The following CNTNAP5 variants were observed in gnomAD, a reference collection of about 807,000 sequenced individuals.
CNTNAP5 encodes the protein contactin associated protein family member 5.
A neutral mutation model predicts 150.2 loss-of-function variants in CNTNAP5; 72 were observed. That is an observed-to-expected ratio of 0.48 (90% CI 0.40 to 0.58). The LOEUF (loss-of-function observed/expected upper bound fraction) is 0.58, where lower values mean the gene tolerates loss of function less well. Among genes scored for constraint, CNTNAP5 ranks in the 20% least tolerant of loss-of-function variants. The probability of loss-of-function intolerance (pLI) is 0.00; values close to 1 mark genes in which losing one functional copy is unlikely to be tolerated. For synonymous variants in CNTNAP5, 672 were observed against 619.8 expected, an observed-to-expected ratio of 1.08 and a Z score of -1.25; for missense variants, 1,636 against 1,626.2, an observed-to-expected ratio of 1.01 and a Z score of -0.10.
At chr2:124,648,208 C>T (rs1483386738) in intron 13 of CNTNAP5, among the ~76,000 whole-genome samples, 1 of 152,178 alleles carries the variant, frequency 6.6e-6, no homozygotes. Flanking sequence ...CCAACACCCA[C>T]CCTGCAACAG....
chr2:124,737,670 C>G (rs1231784791), intron 13 of CNTNAP5, among the ~76,000 whole-genome samples: 2 of 152,036 alleles, frequency 1.3e-5, no homozygotes, highest in East Asian at 1.9e-4. Context: ...TTTAAAAGTC[C>G]CTTTTGGATG....
At chr2:124,826,291 C>T (rs942087486) in intron 19 of CNTNAP5, among the ~76,000 whole-genome samples, 1 of 152,058 alleles carries the variant, frequency 6.6e-6, no homozygotes, top group Non-Finnish European at 1.5e-5. Context: ...AGGTGAAAGT[C>T]TTTGGTAAGT....
At chr2:124,146,602 G>A (rs1438402985) in intron 1 of CNTNAP5, among the ~76,000 whole-genome samples, 1 of 152,022 alleles carries the variant, frequency 6.6e-6, no homozygotes, top group Non-Finnish European at 1.5e-5. Flanking sequence ...ATCTTATGAA[G>A]CTGTTAAAAT....
chr2:124,059,796 T>C (rs1681955006), intron 1 of CNTNAP5, among the ~76,000 whole-genome samples: 1 of 152,060 alleles, frequency 6.6e-6, no homozygotes, highest in African/African-American at 2.4e-5. Context: ...CTGAACAAGA[T>C]GGCGAGTTCC....
intron 3 of CNTNAP5, among the ~76,000 whole-genome samples, chr2:124,400,685 T>TTTTTTTTTTG (rs1558884204): frequency 7.1e-6 from 1 of 140,916 alleles, no homozygotes; most frequent in Non-Finnish European, 1.5e-5. Flanking sequence ...TTTTTTTTTT[T>TTTTTTTTTTG]TTTGTTTTTT....
At chr2:124,402,415 T>A (rs1156696149) in intron 3 of CNTNAP5, among the ~76,000 whole-genome samples, 1 of 152,190 alleles carries the variant, frequency 6.6e-6, no homozygotes, top group Non-Finnish European at 1.5e-5. Context: ...ACAGAGTCGA[T>A]AGCGACTCCC....
intron 1 of CNTNAP5, among the ~76,000 whole-genome samples, chr2:124,162,160 T>A (rs746737940): frequency 4.6e-5 from 7 of 152,170 alleles, no homozygotes; most frequent in Non-Finnish European, 7.4e-5. Context: ...ATAAATAATG[T>A]AGTGCGCTTT....
chr2:124,423,652 CTTTTTTTTTTTTTTT>C (rs1187961580), intron 4 of CNTNAP5, among the ~76,000 whole-genome samples: 5 of 41,594 alleles, frequency 1.2e-4, no homozygotes, highest in African/African-American at 5.2e-4. Context: ...GGCTAATTAA[CTTTTTTTTTTTTTTT>C]TTTTTTTTTT....
At chr2:124,701,871 T>G (rs1209283456) in intron 13 of CNTNAP5, among the ~76,000 whole-genome samples, 6 of 152,090 alleles carry the variant, frequency 3.9e-5, no homozygotes, top group Admixed American at 3.9e-4. Flanking sequence ...AGTTATTTGT[T>G]TTTTCTTTTA....
intron 9 of CNTNAP5, 115 bp downstream of exon 9, chr2:124,524,567 A>T: frequency 1.1e-6 from 1 of 946,908 alleles, no homozygotes; most frequent in Non-Finnish European, 1.6e-6. Flanking sequence ...CCAACACACA[A>T]ACACACACAC....
chr2:124,320,141 A>G (rs1305741384), intron 3 of CNTNAP5, among the ~76,000 whole-genome samples: 1 of 152,174 alleles, frequency 6.6e-6, no homozygotes, highest in Non-Finnish European at 1.5e-5. Context: ...GCACCTTTAC[A>G]GTTATATCCA....
At chr2:124,168,247 C>G (rs949003486) in intron 1 of CNTNAP5, among the ~76,000 whole-genome samples, 5 of 152,196 alleles carry the variant, frequency 3.3e-5, no homozygotes, top group Admixed American at 2.0e-4. Flanking sequence ...ATGGGTATCT[C>G]TGATCATTTC....
intron 19 of CNTNAP5, among the ~76,000 whole-genome samples, chr2:124,861,597 T>C (rs962387252): frequency 4.0e-5 from 6 of 151,236 alleles, no homozygotes; most frequent in Non-Finnish European, 8.8e-5. Flanking sequence ...CAAAAACAAA[T>C]AAATAAATAA....
intron 11 of CNTNAP5, among the ~76,000 whole-genome samples, chr2:124,576,604 C>T (rs1026239261): frequency 6.6e-6 from 1 of 152,138 alleles, no homozygotes; most frequent in Middle Eastern, 3.4e-3. Flanking sequence ...AAAACAAACC[C>T]GTTCTGTATT....
intron 19 of CNTNAP5, among the ~76,000 whole-genome samples, chr2:124,823,098 A>G (rs1682524758): frequency 6.6e-6 from 1 of 152,218 alleles, no homozygotes; most frequent in African/African-American, 2.4e-5. Flanking sequence ...CCAATAATTT[A>G]TCACCAAAGC....
At chr2:124,678,000 T>G (rs1558732179) in intron 13 of CNTNAP5, among the ~76,000 whole-genome samples, 1 of 151,976 alleles carries the variant, frequency 6.6e-6, no homozygotes. Context: ...TTTATCATGT[T>G]GGGCGTTTCT....
At chr2:124,647,492 T>C (rs1200255788) in intron 12 of CNTNAP5, among the ~76,000 whole-genome samples, 2 of 152,190 alleles carry the variant, frequency 1.3e-5, no homozygotes. Flanking sequence ...TTAGGCATTG[T>C]CAATTTTAAC....
intron 3 of CNTNAP5, among the ~76,000 whole-genome samples, chr2:124,362,233 C>G (rs1042208495): frequency 6.6e-6 from 1 of 152,202 alleles, no homozygotes; most frequent in Admixed American, 6.5e-5. Flanking sequence ...GAGATGAACC[C>G]GGTACGTCAC....
At chr2:124,674,777 T>C (rs888966927) in intron 13 of CNTNAP5, among the ~76,000 whole-genome samples, 11 of 151,960 alleles carry the variant, frequency 7.2e-5, no homozygotes, top group Non-Finnish European at 1.5e-5. Flanking sequence ...AAATTTCCAC[T>C]TATTTGTAAC....
Sources: gnomAD v4.1 joint callset for allele counts (sites outside exome capture counted in the v4.1 genomes callset) on GRCh38, gnomAD v4.1.1 for gene constraint, MANE v1.5 for transcripts, NCBI Gene and HGNC (gene_info 2026-07-23, HGNC 2026-07-21) for gene names.